PUDP: variants seen among roughly 807,000 people sequenced by gnomAD.
The protein encoded by PUDP is pseudouridine 5'-phosphatase.
PUDP carries 8 observed loss-of-function variants against 9.4 expected under a neutral mutation model. The ratio of observed to expected loss-of-function variants is 0.85; its 90% CI spans 0.50 to 1.53. The LOEUF is 1.53. Ranked by LOEUF, PUDP falls within the 40% of genes most tolerant of loss-of-function variation. The probability of loss-of-function intolerance (pLI) is 0.00; values close to 1 mark genes in which losing one functional copy is unlikely to be tolerated. For missense variants in PUDP, 188 were observed against 189.7 expected (o/e 0.99, Z 0.05); for synonymous variants, 99 against 80.7 (o/e 1.23, Z -1.22).
intron 1 of PUDP, among the ~76,000 whole-genome samples, chrX:6,995,108 CT>C (rs955586196): frequency 2.2e-4 from 24 of 106,987 alleles, no homozygotes; most frequent in East Asian, 1.2e-3. Context: ...GCATGGCTTT[CT>C]TTTTTTTTTA....
At chrX:7,024,332 T>C (rs1276747397) in intron 1 of PUDP, among the ~76,000 whole-genome samples, 1 of 111,968 alleles carries the variant, frequency 8.9e-6, no homozygotes, top group Non-Finnish European at 1.9e-5. Context: ...AGATGCCCTT[T>C]ATCAGGTTGG....
intron 1 of PUDP, among the ~76,000 whole-genome samples, chrX:7,028,920 T>A (rs1397837927): frequency 9.0e-6 from 1 of 111,559 alleles, no homozygotes; most frequent in African/African-American, 3.3e-5. Flanking sequence ...TCTCCCTGTG[T>A]CCTCACATGG....
At chrX:6,985,932 A>T (rs954411432) in intron 1 of PUDP, among the ~76,000 whole-genome samples, 5 of 111,777 alleles carry the variant, frequency 4.5e-5, no homozygotes, top group African/African-American at 1.6e-4. Context: ...TATACAGGTC[A>T]CAAAGACCTT....
intron 3 of PUDP, among the ~76,000 whole-genome samples, chrX:6,927,426 C>T (rs759504316): frequency 3.6e-5 from 4 of 112,279 alleles, no homozygotes; most frequent in African/African-American, 6.5e-5. Context: ...TATCAGATAA[C>T]GATGCTGTTG....
At chrX:6,957,877 G>A (rs1928651372) in intron 3 of PUDP, among the ~76,000 whole-genome samples, 3 of 112,124 alleles carry the variant, frequency 2.7e-5, no homozygotes, top group Admixed American at 9.5e-5. Context: ...GAGGCTGGGC[G>A]TGGTGGCTCA....
At chrX:6,908,234 G>A (rs1416488105) in intron 3 of PUDP, among the ~76,000 whole-genome samples, 2 of 112,355 alleles carry the variant, frequency 1.8e-5, no homozygotes, top group Non-Finnish European at 3.8e-5. Flanking sequence ...GATAAAACCC[G>A]AGCACTCCTA....
intron 1 of PUDP, among the ~76,000 whole-genome samples, chrX:7,145,633 T>A (rs778921725): frequency 5.5e-5 from 6 of 109,447 alleles, no homozygotes; most frequent in Non-Finnish European, 1.1e-4. Flanking sequence ...ACTAACAGCA[T>A]CGTGCATGTC....
intron 1 of PUDP, among the ~76,000 whole-genome samples, chrX:7,126,641 A>C (rs1932493404): frequency 9.1e-6 from 1 of 110,426 alleles, no homozygotes; most frequent in African/African-American, 3.3e-5. Flanking sequence ...TCTGTGTCCT[A>C]ATCGCCTCTT....
intron 2 of PUDP, among the ~76,000 whole-genome samples, chrX:7,099,198 T>C: frequency 8.9e-6 from 1 of 112,800 alleles, no homozygotes; most frequent in East Asian, 2.8e-4. Flanking sequence ...ATTTCATCTG[T>C]CCCAAGGAAT....
chrX:6,816,609 ATATG>A (rs1251636876), intron 3 of PUDP, among the ~76,000 whole-genome samples: 6 of 101,118 alleles, frequency 5.9e-5, no homozygotes, highest in Admixed American at 2.3e-4. Flanking sequence ...AATACATACT[ATATG>A]TATGTATACT....
chrX:7,095,082 T>C (rs976821727), intron 2 of PUDP, among the ~76,000 whole-genome samples: 3 of 112,106 alleles, frequency 2.7e-5, no homozygotes, highest in Non-Finnish European at 5.6e-5. Flanking sequence ...GGCTCAGCCC[T>C]GTGACCCGTG....
chrX:7,023,603 T>C (rs1166762404), intron 1 of PUDP, among the ~76,000 whole-genome samples: 2 of 112,171 alleles, frequency 1.8e-5, no homozygotes, highest in Admixed American at 9.4e-5. Flanking sequence ...TCCAGCACCA[T>C]TTGCTGAAAA....
At chrX:6,720,258 GTATATA>G (rs543397118) in intron 1 of PUDP, among the ~76,000 whole-genome samples, 5 of 48,803 alleles carry the variant, frequency 1.0e-4, no homozygotes, top group Admixed American at 7.6e-4. Context: ...GTGTGTGTGT[GTATATA>G]TATATATATA....
chrX:6,834,418 A>G (rs746293505), intron 3 of PUDP, among the ~76,000 whole-genome samples: 16 of 111,558 alleles, frequency 1.4e-4, no homozygotes, highest in Non-Finnish European at 3.0e-4. Flanking sequence ...TTTAGGTGAC[A>G]GTTAAATTTT....
chrX:6,931,980 T>A (rs1277517970), intron 3 of PUDP, among the ~76,000 whole-genome samples: 1 of 112,327 alleles, frequency 8.9e-6, no homozygotes, highest in Non-Finnish European at 1.9e-5. Flanking sequence ...CAAATGCTTT[T>A]AAATCAGTAA....
chrX:7,105,625 A>G lies in PUDP; in HGVS notation c.275T>C (p.Met92Thr), dbSNP rs1332529179. 1 of 1,201,991 alleles carries G rather than the reference A, an allele frequency of 8.3e-7. No individual in the cohort carries two copies. Among genetic ancestry groups the G allele is most frequent in the Admixed American group, 2.2e-5 (1 of 45,076 alleles). Residue 92 changes from methionine (M) to threonine (T), a missense_variant, in exon 2 of 4, where the codon ATG becomes ACG. Coordinates refer to ENST00000381077, the MANE Select transcript of PUDP (RefSeq NM_012080.5). The part of the protein sequence containing the change: ...LKEVFPTAAL[M>T]PGAEKLIIHL... ...AAACAGCGAGGCAACCGCACCTGGC[A>G]TGAGCGCAGCCGTGGGGAACACTTC... is the stretch of plus-strand genomic sequence containing the variant.
chrX:6,876,230 G>A (rs1178903991), intron 3 of PUDP, among the ~76,000 whole-genome samples: 1 of 111,800 alleles, frequency 8.9e-6, no homozygotes, highest in East Asian at 2.8e-4. Flanking sequence ...ATCTGACTGT[G>A]TTAGATGATT....
At chrX:6,993,078 A>T (rs539470813) in intron 1 of PUDP, among the ~76,000 whole-genome samples, 1 of 111,829 alleles carries the variant, frequency 8.9e-6, no homozygotes, top group African/African-American at 3.2e-5. Flanking sequence ...CAGCTTCCCT[A>T]CTTTTGAGGT....
chrX:6,949,773 G>A (rs982305070), intron 3 of PUDP, among the ~76,000 whole-genome samples: 27 of 111,826 alleles, frequency 2.4e-4, no homozygotes, highest in African/African-American at 6.8e-4. Flanking sequence ...TCAGGAATCC[G>A]GGCACAGCTT....
Sources: gnomAD v4.1 joint callset for allele counts (sites outside exome capture counted in the v4.1 genomes callset) on GRCh38, gnomAD v4.1.1 for gene constraint, MANE v1.5 for transcripts, NCBI Gene and HGNC (gene_info 2026-07-23, HGNC 2026-07-21) for gene names.